The following KRT85 variants were observed in gnomAD, a reference collection of about 807,000 sequenced individuals.
KRT85 encodes keratin, type II cuticular Hb5.
Under a neutral mutation model 53.7 loss-of-function variants are expected in KRT85, and 39 were observed. The ratio of observed to expected loss-of-function variants is 0.73; its 90% CI spans 0.56 to 0.95. The LOEUF (loss-of-function observed/expected upper bound fraction) is 0.95, where lower values mean the gene tolerates loss of function less well. Among genes scored for constraint, KRT85 ranks in the 40% least tolerant of loss-of-function variants. KRT85 has a pLI of 0.00. For missense variants in KRT85, 668 were observed against 686.0 expected (o/e 0.97, Z 0.29); for synonymous variants, 291 against 277.5 (o/e 1.05, Z -0.48).
intron 6 of KRT85, 118 bp from the exon 7 acceptor site, chr12:52,362,589 C>A: frequency 7.3e-7 from 1 of 1,363,212 alleles, no homozygotes; most frequent in East Asian, 2.5e-5. Flanking sequence ...GGCCCGTGGC[C>A]AGGTAGTTAA....
chr12:52,360,991 G>T lies in KRT85; in HGVS notation c.1386C>A (p.Thr462=). 1 of 1,613,690 alleles carries T rather than the reference G, an allele frequency of 6.2e-7. No homozygotes were observed. Among genetic ancestry groups the T allele is most frequent in the Non-Finnish European group, 8.5e-7 (1 of 1,179,898 alleles). Residue 462 remains threonine, a synonymous_variant, in exon 9 of 9, where the codon ACC becomes ACA. Coordinates refer to ENST00000257901, the MANE Select transcript of KRT85 (RefSeq NM_002283.4). The stretch of plus-strand genomic sequence containing the variant: ...GGCCAGAAGTGATCTGGCGCCCTGG[G>T]GTGGTGCTGTAGGAGAGGCCCCCAC... ...VSCGGLSYST[T]PGRQITSGPS... is the part of the protein sequence containing the mutation.
In KRT85 at chr12:52,362,337, C is replaced by T. The variant is rs1400370088; in HGVS notation, c.1212G>A (p.Lys404=). The part of the protein sequence containing the change: ...KAKQDMACLL[K]EYQEVMNSKL... ...TGGAGTTCATCACCTCCTGGTACTCCTTGAGCAGGCAGGCCATGTCCTGCT... is the reference window on the plus strand; with the variant it reads ...TGGAGTTCATCACCTCCTGGTACTCTTTGAGCAGGCAGGCCATGTCCTGCT... Residue 404 remains lysine, a synonymous_variant, in exon 7 of 9, where the codon AAG becomes AAA. Coordinates refer to ENST00000257901, the MANE Select transcript of KRT85 (RefSeq NM_002283.4). 6.2e-7 allele frequency: 1 copy of T among 1,614,190 alleles called. No individual in the cohort carries two copies.
At chr12:52,361,119 C>T in intron 8 of KRT85, 73 bp from the exon 9 acceptor site, 1 of 1,344,160 alleles carries the variant, frequency 7.4e-7, no homozygotes, top group East Asian at 2.5e-5. Flanking sequence ...GGCCCCAGGG[C>T]ACTGCAGGAG....
chr12:52,364,405 G>T, intron 2 of KRT85, 39 bp from the exon 3 acceptor site: 5 of 1,614,162 alleles, frequency 3.1e-6, no homozygotes, highest in Non-Finnish European at 4.2e-6. Context: ...CTGAGAAACT[G>T]GACCTTGAAT....
rs1165966793 is a variant in KRT85 at position 52,367,246 on chromosome 12, G to A, written c.160C>T (p.Arg54Cys). Residue 54 changes from arginine (R) to cysteine (C), a missense_variant, in exon 1 of 9, where the codon CGC (arginine) becomes TGC (cysteine). Coordinates refer to ENST00000257901, the MANE Select transcript of KRT85 (RefSeq NM_002283.4). ...CAGGAGCCCAGGTTGCAGAGGCTGC[G>A]GCTGCCGAAGCCCGTCAGCCCTCGG... ...CYRGLTGFGS[R>C]SLCNLGSCGP... 1 of 1,612,384 alleles carries A rather than the reference G, an allele frequency of 6.2e-7. No homozygotes were observed. Among genetic ancestry groups the A allele is most frequent in the Non-Finnish European group, 8.5e-7 (1 of 1,178,934 alleles).
intron 8 of KRT85, 131 bp downstream of exon 8, chr12:52,361,336 G>T: frequency 1.1e-6 from 1 of 871,372 alleles, no homozygotes; most frequent in Non-Finnish European, 2.0e-6. Context: ...ACCTGTCATG[G>T]CCCCCACTGA....
rs916454316 is a variant in KRT85 at position 52,362,602 on chromosome 12, G to A, written c.1078-131C>T. Reference sequence around the variant, plus strand: ...TTGGCCCGTGGCCAGGTAGTTAATGGGGCTGTGAATATGAGGGAGGAGATG... The same window carrying A: ...TTGGCCCGTGGCCAGGTAGTTAATGAGGCTGTGAATATGAGGGAGGAGATG... On this transcript the variant is annotated intron_variant, in intron 6 of 8. Coordinates refer to ENST00000257901, the MANE Select transcript of KRT85 (RefSeq NM_002283.4). 2.4e-6 allele frequency: 3 copies of A among 1,265,030 alleles called. No homozygotes were observed. The African/African-American group carries it at 4.5e-5, about 19-fold the overall frequency. 78.4% of individuals were successfully genotyped at this position (1,265,030 alleles called of 1,614,324 possible).
chr12:52,364,940 C>T (rs200957203), intron 2 of KRT85, 22 bp downstream of exon 2: 75 of 1,612,164 alleles, frequency 4.7e-5, no homozygotes, highest in East Asian at 2.7e-4. Flanking sequence ...TCCCCTGAGT[C>T]CCCCCAGCTT....
At chr12:52,365,878 C>G (rs183180756) in intron 1 of KRT85, among the ~76,000 whole-genome samples, 11 of 152,200 alleles carry the variant, frequency 7.2e-5, no homozygotes, top group Admixed American at 3.3e-4. Flanking sequence ...GTATACACCC[C>G]CTTAGCTCCA....
chr12:52,365,617 A>G (rs1379586698), intron 1 of KRT85, among the ~76,000 whole-genome samples: 2 of 152,152 alleles, frequency 1.3e-5, no homozygotes, highest in African/African-American at 4.8e-5. Flanking sequence ...CACTTATTAA[A>G]TATTTACTAC....
rs150836526 is a variant in KRT85 at position 52,367,141 on chromosome 12, C to A, written c.265G>T (p.Gly89Ter). ...SFGYRSGGVC[G>*]PSPPCITTVS... is the part of the protein sequence containing the mutation. ...GTAGTGATGCATGGGGGGCTGGGTCCGCACACGCCCCCGGAGCGGTAGCCG... is the reference window on the plus strand; with the variant it reads ...GTAGTGATGCATGGGGGGCTGGGTCAGCACACGCCCCCGGAGCGGTAGCCG... Residue 89 changes from glycine to a stop codon, truncating the protein, a stop_gained, in exon 1 of 9, where the codon GGA (glycine) becomes TGA (stop). Transcript: ENST00000257901. LOFTEE classifies it high-confidence loss of function. 1 of 1,613,334 alleles carries A rather than the reference C, an allele frequency of 6.2e-7. No homozygotes were observed. Among genetic ancestry groups the A allele is most frequent in the East Asian group, 2.2e-5 (1 of 44,896 alleles).
In KRT85 at chr12:52,363,352, T is replaced by C. The variant is rs1592141612; in HGVS notation, c.845A>G (p.Asn282Ser). 2 of 1,614,006 alleles carry C rather than the reference T, an allele frequency of 1.2e-6. No individual in the cohort carries two copies. The highest frequency in any genetic ancestry group is 1.7e-6 in the Non-Finnish European group (2 of 1,180,034). The change falls in exon 5 of 9, where the codon AAC (asparagine) becomes AGC (serine). Residue 282 changes from asparagine to serine, a missense_variant. Transcript: ENST00000257901. ...SDTSVIVKMD[N>S]SRDLNMDCII... is the part of the protein sequence containing the mutation. Reference sequence around the variant, plus strand: ...GCAGTCCATGTTCAGGTCTCGGCTGTTGTCCATCTTGACTATGACCGAGGT... The same window carrying C: ...GCAGTCCATGTTCAGGTCTCGGCTGCTGTCCATCTTGACTATGACCGAGGT...
In KRT85 at chr12:52,367,448, G is replaced by T. The variant is rs1376235045; in HGVS notation, c.-43C>A. The T allele has an allele frequency of 1.2e-6, 2 of 1,604,244 alleles. No individual in the cohort carries two copies. Among genetic ancestry groups the T allele is most frequent in the South Asian group, 1.1e-5 (1 of 90,162 alleles). ...AGTCTGAGAGGCAGCGGAAGGTGGTGCGGGCGGCAGAGTGCGAGGCTCAGG... is the reference window on the plus strand; with the variant it reads ...AGTCTGAGAGGCAGCGGAAGGTGGTTCGGGCGGCAGAGTGCGAGGCTCAGG... On this transcript the variant is annotated 5_prime_UTR_variant, in exon 1 of 9. Transcript: ENST00000257901.
chr12:52,366,729 G>A (rs542278712), intron 1 of KRT85, among the ~76,000 whole-genome samples: 2 of 151,636 alleles, frequency 1.3e-5, no homozygotes, highest in East Asian at 1.9e-4. Context: ...CGCACACACC[G>A]CTACACACAC....
At chr12:52,364,763 C>T (rs1939246868) in intron 2 of KRT85, 199 bp downstream of exon 2, 3 of 1,372,212 alleles carry the variant, frequency 2.2e-6, no homozygotes, top group Non-Finnish European at 2.0e-6. Context: ...CCAGAAGTAG[C>T]TCTAAGGCTC....
chr12:52,365,302 C>T (rs993455106), intron 1 of KRT85, 132 bp from the exon 2 acceptor site: 24 of 990,002 alleles, frequency 2.4e-5, no homozygotes, highest in African/African-American at 1.1e-4. Flanking sequence ...GCTCAAGGGG[C>T]CCATTCCCAG....
chr12:52,363,115 C>T, intron 5 of KRT85, 131 bp downstream of exon 5: 1 of 1,552,238 alleles, frequency 6.4e-7, no homozygotes, highest in Non-Finnish European at 8.8e-7. Flanking sequence ...CCACTTCAAC[C>T]TGAGAACTAC....
chr12:52,365,023 T>A lies in KRT85; in HGVS notation c.568A>T (p.Ser190Cys), dbSNP rs1419835362. The part of the protein sequence containing the change: ...RREAECVEAD[S>C]GRLASELNHV... ...TTGAGCTCTGAGGCCAGCCTCCCGC[T>A]GTCGGCCTCCACGCACTCGGCCTCC... Residue 190 changes from serine (S) to cysteine (C), a missense_variant, in exon 2 of 9, where the codon AGC (serine) becomes TGC (cysteine). Coordinates refer to ENST00000257901, the MANE Select transcript of KRT85 (RefSeq NM_002283.4). 1 of 1,613,154 alleles carries A rather than the reference T, an allele frequency of 6.2e-7. No homozygotes were observed.
In KRT85 at chr12:52,362,762, C is replaced by T. The variant is rs1404469339; in HGVS notation, c.1077+92G>A. 3.1e-6 allele frequency: 5 copies of T among 1,590,046 alleles called. No individual in the cohort carries two copies. In the East Asian group the frequency reaches 1.1e-4, roughly 36 times the overall value. ...AGAGCCCCTCCCTTCCCTCTGGGTC[C>T]CTGCTTCCTCATGGGCACACTGTGA... On this transcript the variant is annotated intron_variant, in intron 6 of 8. Transcript: ENST00000257901.
Sources: allele counts gnomAD v4.1 joint callset (sites outside exome capture counted in the v4.1 genomes callset), GRCh38; gene constraint gnomAD v4.1.1; transcripts MANE v1.5; gene names NCBI Gene and HGNC (gene_info 2026-07-23, HGNC 2026-07-21).